The following NFYB variants were observed in gnomAD, a reference collection of about 807,000 sequenced individuals.
NFYB encodes the protein CAAT box DNA-binding protein subunit B.
Under a neutral mutation model 28.0 loss-of-function variants are expected in NFYB, and 13 were observed. The observed-to-expected ratio is 0.46, with a 90% CI of 0.30 to 0.74. NFYB has a LOEUF of 0.74. Ranked by LOEUF, NFYB falls within the 30% of genes least tolerant of loss-of-function variation. The probability of loss-of-function intolerance (pLI) is 0.07; values close to 1 mark genes in which losing one functional copy is unlikely to be tolerated. For missense variants in NFYB, 142 were observed against 247.6 expected, an observed-to-expected ratio of 0.57 and a Z score of 2.86; for synonymous variants, 74 against 75.0, an observed-to-expected ratio of 0.99 and a Z score of 0.07.
At chr12:104,134,610 T>C (rs937145250) in intron 2 of NFYB, among the ~76,000 whole-genome samples, 1 of 152,236 alleles carries the variant, frequency 6.6e-6, no homozygotes, top group Non-Finnish European at 1.5e-5. Flanking sequence ...TTCTATACTC[T>C]TGAACCTATT....
At position 104,126,108 on chromosome 12, in the gene NFYB, C is replaced by T. The variant is rs772503720; in HGVS notation, c.231+6G>A. On this transcript the variant is annotated splice_donor_region_variant and intron_variant, in intron 4 of 7. Coordinates refer to ENST00000240055, the MANE Select transcript of NFYB (RefSeq NM_006166.4). ...AAAACCTAGTTAAATTTCTCCTCTA[C>T]GTTACCTTTCCCGTTTGAGGTATGG... is the stretch of plus-strand genomic sequence containing the variant. The T allele has an allele frequency of 1.3e-5, 21 of 1,576,998 alleles. No homozygotes were observed. Among genetic ancestry groups the T allele is most frequent in the African/African-American group, 2.7e-5 (2 of 72,806 alleles).
intron 2 of NFYB, among the ~76,000 whole-genome samples, chr12:104,134,980 C>T (rs576117727): frequency 6.6e-6 from 1 of 152,200 alleles, no homozygotes; most frequent in East Asian, 1.9e-4. Context: ...ACTTAAGTTG[C>T]CCATCCTGCC....
chr12:104,119,840 A>G (rs967658085), intron 7 of NFYB, 71 bp from the exon 8 acceptor site: 45 of 950,592 alleles, frequency 4.7e-5, no homozygotes, highest in Non-Finnish European at 7.5e-5. Flanking sequence ...GCATATTATA[A>G]AAATTCAGTG....
Position 104,123,326 on chromosome 12 carries a change from C to T in NFYB, c.329G>A (p.Arg110Gln), listed in dbSNP as rs1352238106. The T allele has an allele frequency of 1.9e-6, 3 of 1,613,900 alleles. No individual in the cohort carries two copies. Among genetic ancestry groups the T allele is most frequent in the African/African-American group, 1.3e-5 (1 of 74,916 alleles). Residue 110 changes from arginine to glutamine, a missense_variant, in exon 5 of 8, where the codon CGG (arginine) becomes CAG (glutamine). Physicochemically the swap from Arg to Gln is conservative, Grantham distance 43. Transcript: ENST00000240055. ...EASERCHQEK[R>Q]KTINGEDILF... is the part of the protein sequence containing the mutation. ...AATATCTTCTCCATTGATTGTTTTC[C>T]GTTTCTCTTGATGGCACCTTTCACT...
intron 4 of NFYB, among the ~76,000 whole-genome samples, chr12:104,125,849 C>CAAAAA (rs374433754): frequency 2.6e-4 from 19 of 72,192 alleles, no homozygotes; most frequent in South Asian, 2.2e-3. Flanking sequence ...ACTCTGTCCC[C>CAAAAA]AAAAAAAAAA....
chr12:104,128,522 G>C lies in NFYB; in HGVS notation c.7-5C>G. The C allele has an allele frequency of 6.2e-7, 1 of 1,604,428 alleles. No individual in the cohort carries two copies. Among genetic ancestry groups the C allele is most frequent in the Non-Finnish European group, 8.5e-7 (1 of 1,173,346 alleles). ...TGTAGAACTGTCACCATCCATCTAT[G>C]AGGAGAAAAACAGTTTTTCAATACT... On this transcript the variant is annotated splice_region_variant and splice_polypyrimidine_tract_variant and intron_variant, in intron 2 of 7. Transcript: ENST00000240055.
chr12:104,136,338 A>T lies in NFYB; in HGVS notation c.-79-806T>A, dbSNP rs549341643. ...AACACATCCTTTCAGTGTTAATTTT[A>T]AAGGGAGAAGATATACTGATACGCA... On this transcript the variant is annotated intron_variant, in intron 1 of 7. Coordinates refer to ENST00000240055, the MANE Select transcript of NFYB (RefSeq NM_006166.4). Among the ~76,000 whole-genome samples the T allele has an allele frequency of 6.8e-4, 103 of 152,326 alleles. No homozygotes were observed. In the South Asian group the frequency reaches 0.012, roughly 18 times the overall value.
intron 2 of NFYB, among the ~76,000 whole-genome samples, chr12:104,132,408 A>C (rs1055175327): frequency 5.3e-5 from 8 of 152,222 alleles, no homozygotes; most frequent in Non-Finnish European, 1.0e-4. Context: ...TCACATTAAA[A>C]AAAAAAATCC....
At position 104,119,548 on chromosome 12, in the gene NFYB, T is replaced by C; in HGVS notation, c.*189A>G. On this transcript the variant is annotated 3_prime_UTR_variant, in exon 8 of 8. Transcript: ENST00000240055. ...TACCTTTAAAATCCAAATTTTTCTT[T>C]AAAATCATTCATGAAAAAGATTCTC... 2 of 485,908 alleles carry C rather than the reference T, an allele frequency of 4.1e-6. No individual in the cohort carries two copies. Among genetic ancestry groups the C allele is most frequent in the South Asian group, 4.5e-5 (1 of 22,336 alleles). 30.1% of individuals were successfully genotyped at this position (485,908 alleles called of 1,614,324 possible). A position where few individuals can be genotyped will look rare whatever the true frequency, so the allele number is the denominator to read the frequency against.
chr12:104,128,511 C>T lies in NFYB; in HGVS notation c.13G>A (p.Gly5Ser). 6.2e-7 allele frequency: 1 copy of T among 1,610,096 alleles called. No individual in the cohort carries two copies. Among genetic ancestry groups the T allele is most frequent in the Non-Finnish European group, 8.5e-7 (1 of 1,177,440 alleles). ...GAAGCATCTGTTGTAGAACTGTCAC[C>T]ATCCATCTATGAGGAGAAAAACAGT... MTMD[G>S]DSSTTDASQL... Residue 5 changes from glycine (G) to serine (S), a missense_variant, in exon 3 of 8, where the codon GGT (glycine) becomes AGT (serine). Gly to Ser is a moderately conservative substitution (Grantham distance 56, BLOSUM62 0). This residue lies in a region of NFYB where 54 missense variants were observed against 58.1 expected (regional missense o/e 0.93). Coordinates refer to ENST00000240055, the MANE Select transcript of NFYB (RefSeq NM_006166.4).
At chr12:104,134,140 C>G (rs768394489) in intron 2 of NFYB, among the ~76,000 whole-genome samples, 4 of 152,122 alleles carry the variant, frequency 2.6e-5, no homozygotes, top group East Asian at 3.8e-4. Context: ...CTCCCCACCC[C>G]CTAATTGTTT....
intron 2 of NFYB, among the ~76,000 whole-genome samples, chr12:104,130,260 C>T (rs2030874944): frequency 6.6e-6 from 1 of 152,194 alleles, no homozygotes; most frequent in South Asian, 2.1e-4. Flanking sequence ...CCAGTATAAA[C>T]TTAATGTTAT....
intron 3 of NFYB, among the ~76,000 whole-genome samples, chr12:104,127,189 T>A (rs1181461012): frequency 6.6e-6 from 1 of 152,216 alleles, no homozygotes; most frequent in Non-Finnish European, 1.5e-5. Flanking sequence ...AATGATGTTA[T>A]CAGAATTAAT....
intron 1 of NFYB, chr12:104,137,925 G>A (rs1350063515): frequency 1.4e-5 from 2 of 146,230 alleles, no homozygotes; most frequent in African/African-American, 4.9e-5. Flanking sequence ...AAAGAGCCGC[G>A]CCGCGGCCCC....
chr12:104,128,853 A>C (rs767570759), intron 2 of NFYB, among the ~76,000 whole-genome samples: 8 of 152,038 alleles, frequency 5.3e-5, no homozygotes, highest in Non-Finnish European at 1.0e-4. Context: ...TTTTTAGCAG[A>C]GACAGGGTTT....
At chr12:104,135,007 T>C (rs553309556) in intron 2 of NFYB, among the ~76,000 whole-genome samples, 1 of 152,222 alleles carries the variant, frequency 6.6e-6, no homozygotes, top group Non-Finnish European at 1.5e-5. Flanking sequence ...CTTTTGCTTT[T>C]GGTGACACCC....
At chr12:104,127,626 A>G (rs1440285342) in intron 3 of NFYB, among the ~76,000 whole-genome samples, 2 of 151,614 alleles carry the variant, frequency 1.3e-5, no homozygotes, top group African/African-American at 4.8e-5. Context: ...AAATGCCACA[A>G]AAGTAAATTA....
intron 7 of NFYB, 21 bp downstream of exon 7, chr12:104,120,379 T>G (rs1298967733): frequency 1.3e-6 from 2 of 1,597,766 alleles, no homozygotes; most frequent in Non-Finnish European, 1.7e-6. Flanking sequence ...TTTTAAGCAT[T>G]TAAAATACAA....
At chr12:104,137,949 G>A (rs1219398647) in intron 1 of NFYB, 192 bp downstream of exon 1, 3 of 144,136 alleles carry the variant, frequency 2.1e-5, no homozygotes, top group Non-Finnish European at 4.6e-5. Flanking sequence ...CCCGCTCCCC[G>A]GCCCGGCCCG....
Sources: allele counts gnomAD v4.1 joint callset (sites outside exome capture counted in the v4.1 genomes callset), GRCh38; gene constraint gnomAD v4.1.1; regional missense constraint gnomAD v4.1.1; transcripts MANE v1.5; gene names NCBI Gene and HGNC (gene_info 2026-07-23, HGNC 2026-07-21).